ZNF710: variants seen among roughly 807,000 people sequenced by gnomAD.
The protein encoded by ZNF710 is zinc finger protein 710.
In ZNF710, 13 loss-of-function variants were observed where a neutral mutation model predicts 50.6. That is an observed-to-expected ratio of 0.26 (90% confidence interval 0.17 to 0.41). The LOEUF (loss-of-function observed/expected upper bound fraction) is 0.41, where lower values mean the gene tolerates loss of function less well. ZNF710 is among the 10% of genes least tolerant of loss of function. The probability of loss-of-function intolerance (pLI) is 1.00; values close to 1 mark genes in which losing one functional copy is unlikely to be tolerated. For missense variants in ZNF710, 721 were observed against 936.6 expected, an observed-to-expected ratio of 0.77 and a Z score of 3.01; for synonymous variants, 383 against 397.0, an observed-to-expected ratio of 0.96 and a Z score of 0.42.
intron 1 of ZNF710, among the ~76,000 whole-genome samples, chr15:90,030,775 G>T (rs1382532374): frequency 6.6e-6 from 1 of 152,038 alleles, no homozygotes; most frequent in African/African-American, 2.4e-5. Context: ...CCAGCTCTTT[G>T]GGAGGCCGAG....
chr15:90,068,654 G>C lies in ZNF710; in HGVS notation c.1458+59G>C. On this transcript the variant is annotated intron_variant, in intron 2 of 4. Transcript: ENST00000268154. This position sits in a 1 kb window ranked among gnomAD's most constrained non-coding sequence, Gnocchi z 5.0. ...GCCCCTCCTGCCACTTTTTCATCCA[G>C]TACTTTCCAAAGTCCCAGATGGGAC... 1 of 1,527,464 alleles carries C rather than the reference G, an allele frequency of 6.5e-7. No homozygotes were observed. The highest frequency in any genetic ancestry group is 8.8e-7 in the Non-Finnish European group (1 of 1,139,800). The allele number at this position is 1,527,464 out of a possible 1,614,324, so 94.6% of individuals were successfully genotyped here. A position where few individuals can be genotyped will look rare whatever the true frequency, so the allele number is the denominator to read the frequency against.
chr15:90,069,299 T>G (rs1462717225), intron 2 of ZNF710, among the ~76,000 whole-genome samples: 1 of 151,532 alleles, frequency 6.6e-6, no homozygotes, highest in East Asian at 1.9e-4. Context: ...TCCCAGCTAC[T>G]TGGAAGGCTA....
At chr15:90,004,401 A>G (rs1268524183) in intron 1 of ZNF710, among the ~76,000 whole-genome samples, 1 of 152,176 alleles carries the variant, frequency 6.6e-6, no homozygotes, top group Non-Finnish European at 1.5e-5. Context: ...CCCTGGCCCC[A>G]CCAGTGCTGA....
intron 1 of ZNF710, among the ~76,000 whole-genome samples, chr15:90,035,686 G>T (rs965266903): frequency 6.6e-6 from 1 of 152,250 alleles, no homozygotes; most frequent in East Asian, 1.9e-4. Context: ...ACATGGGGAC[G>T]TGTATTTGGA....
chr15:90,039,147 C>T (rs1211000896), intron 1 of ZNF710, among the ~76,000 whole-genome samples: 1 of 152,100 alleles, frequency 6.6e-6, no homozygotes, highest in Non-Finnish European at 1.5e-5. Flanking sequence ...GGCGTGGTGG[C>T]AGGCGCCTGT....
Position 90,059,013 on chromosome 15 carries a change from C to G in ZNF710, c.-28-8097C>G, listed in dbSNP as rs1382912382. ...CTACAGGATACCTTCATAGCAACAT[C>G]TAGCTTAGCCAAGCACACAGCCGGG... On this transcript the variant is annotated intron_variant, in intron 1 of 4. Transcript: ENST00000268154. The surrounding 1 kb of genome is among the most constrained non-coding windows in gnomAD (Gnocchi z 4.1). 6.6e-6 allele frequency among the ~76,000 whole-genome samples: 1 copy of G among 152,214 alleles called. No individual in the cohort carries two copies. Among genetic ancestry groups the G allele is most frequent in the African/African-American group, 2.4e-5 (1 of 41,446 alleles).
At position 90,034,853 on chromosome 15, in the gene ZNF710, C is replaced by T. The variant is rs990943092; in HGVS notation, c.-28-32257C>T. Among the ~76,000 whole-genome samples, 2 of 152,166 alleles carry T rather than the reference C, an allele frequency of 1.3e-5. No homozygotes were observed. The highest frequency in any genetic ancestry group is 2.9e-5 in the Non-Finnish European group (2 of 68,032). On this transcript the variant is annotated intron_variant, in intron 1 of 4. Coordinates refer to ENST00000268154, the MANE Select transcript of ZNF710 (RefSeq NM_198526.4). This position sits in a 1 kb window ranked among gnomAD's most constrained non-coding sequence, Gnocchi z 4.0. The stretch of plus-strand genomic sequence containing the variant: ...TCTTCCACATCGCCCCAAGGTCGGG[C>T]TGAAGAGATTTGGATCTTCTGAGTT...
rs1231767738 is a variant in ZNF710, at chr15:90,059,969, G to A, written c.-28-7141G>A. On this transcript the variant is annotated intron_variant, in intron 1 of 4. Transcript: ENST00000268154. The surrounding 1 kb of genome is among the most constrained non-coding windows in gnomAD (Gnocchi z 4.1). ...GCCCCAGGGCCCTGGACTCCAAGGG[G>A]CAAAAGGCCCAGAGCCACATCCTGG... 6.6e-6 allele frequency among the ~76,000 whole-genome samples: 1 copy of A among 152,158 alleles called. No individual in the cohort carries two copies. Among genetic ancestry groups the A allele is most frequent in the Non-Finnish European group, 1.5e-5 (1 of 68,026 alleles).
chr15:90,009,387 C>A (rs1898238527), intron 1 of ZNF710, among the ~76,000 whole-genome samples: 1 of 152,090 alleles, frequency 6.6e-6, no homozygotes, highest in Admixed American at 6.5e-5. Flanking sequence ...GCCATCGCTT[C>A]CCATCGTGGC....
At chr15:90,060,565 A>G (rs1899974957) in intron 1 of ZNF710, among the ~76,000 whole-genome samples, 1 of 151,394 alleles carries the variant, frequency 6.6e-6, no homozygotes, top group Non-Finnish European at 1.5e-5. Flanking sequence ...AAAAAAATAA[A>G]AAGTCAGGCC....
chr15:90,065,319 G>T (rs928144244), intron 1 of ZNF710, among the ~76,000 whole-genome samples: 10 of 152,182 alleles, frequency 6.6e-5, no homozygotes, highest in African/African-American at 2.4e-4. Context: ...GAGGCTGGTA[G>T]TTGGTCCGTT....
chr15:90,036,378 A>C (rs1399754200), intron 1 of ZNF710, among the ~76,000 whole-genome samples: 1 of 152,002 alleles, frequency 6.6e-6, no homozygotes, highest in African/African-American at 2.4e-5. Flanking sequence ...GAATGACACC[A>C]GGCGAGTGCT....
chr15:90,067,150 A>C lies in ZNF710; in HGVS notation c.13A>C (p.Met5Leu), dbSNP rs1396518460. The change falls in exon 2 of 5, where the codon ATG becomes CTG. Residue 5 changes from methionine to leucine, a missense_variant. By Grantham distance (15) the Met-to-Leu change is conservative. This residue lies in a region of ZNF710 where 326 missense variants were observed against 347.1 expected (regional missense o/e 0.94). Transcript: ENST00000268154. This position sits in a 1 kb window ranked among gnomAD's most constrained non-coding sequence, Gnocchi z 8.1. ...TAGCCGTCACGGGATGGAGGGCTTC[A>C]TGGACTCAGGGACACAGACGGACGC... MEGF[M>L]DSGTQTDAVV... 6.3e-7 allele frequency: 1 copy of C among 1,599,010 alleles called. No individual in the cohort carries two copies. Among genetic ancestry groups the C allele is most frequent in the South Asian group, 1.1e-5 (1 of 90,090 alleles).
At chr15:89,998,374 C>T (rs149204651), upstream of ZNF710, among the ~76,000 whole-genome samples, 2 of 152,218 alleles carry the variant, frequency 1.3e-5, no homozygotes, top group Non-Finnish European at 2.9e-5. Context: ...GTTCCTCAGG[C>T]AGGCTACAAC....
chr15:90,009,691 C>T (rs1164253878), intron 1 of ZNF710, among the ~76,000 whole-genome samples: 1 of 152,020 alleles, frequency 6.6e-6, no homozygotes, highest in Admixed American at 6.6e-5. Flanking sequence ...ACAGTCACAC[C>T]TCTCTCTCCC....
At chr15:90,018,314 G>C (rs1297309022) in intron 1 of ZNF710, among the ~76,000 whole-genome samples, 2 of 151,882 alleles carry the variant, frequency 1.3e-5, no homozygotes, top group Non-Finnish European at 2.9e-5. Context: ...GATCACAGGC[G>C]TGTGCCACCA....
At chr15:90,045,117 G>A (rs921151494) in intron 1 of ZNF710, among the ~76,000 whole-genome samples, 1 of 152,090 alleles carries the variant, frequency 6.6e-6, no homozygotes, top group Non-Finnish European at 1.5e-5. Flanking sequence ...CCATCTCCTG[G>A]GAGTTGTATG....
chr15:90,041,601 A>T (rs1013813055), intron 1 of ZNF710, among the ~76,000 whole-genome samples: 3 of 152,230 alleles, frequency 2.0e-5, no homozygotes, highest in Non-Finnish European at 4.4e-5. Context: ...CTGAACCTCC[A>T]GCCTCTCTAA....
At chr15:90,046,778 A>G (rs1380922061) in intron 1 of ZNF710, among the ~76,000 whole-genome samples, 1 of 152,148 alleles carries the variant, frequency 6.6e-6, no homozygotes. Context: ...CCTCCCTCTG[A>G]GTCTGGGTGA....
Sources: allele counts gnomAD v4.1 joint callset (sites outside exome capture counted in the v4.1 genomes callset), GRCh38; gene constraint gnomAD v4.1.1; regional missense constraint gnomAD v4.1.1; non-coding constraint Gnocchi (gnomAD v3.1); transcripts MANE v1.5; gene names NCBI Gene and HGNC (gene_info 2026-07-23, HGNC 2026-07-21).